The following TTLL5 variants were observed in gnomAD, a reference collection of about 807,000 sequenced individuals.
TTLL5 encodes tubulin polyglutamylase TTLL5.
In TTLL5, 132 loss-of-function variants were observed where a neutral mutation model predicts 168.4. The ratio of observed to expected loss-of-function variants is 0.78; its 90% CI spans 0.68 to 0.91. The LOEUF (loss-of-function observed/expected upper bound fraction) is 0.91. Among genes scored for constraint, TTLL5 ranks in the 40% least tolerant of loss-of-function variants. The pLI is 0.00. For missense variants in TTLL5, 1,545 were observed against 1,581.5 expected, an observed-to-expected ratio of 0.98 and a Z score of 0.39; for synonymous variants, 546 against 558.6, an observed-to-expected ratio of 0.98 and a Z score of 0.32.
intron 31 of TTLL5, among the ~76,000 whole-genome samples, chr14:75,913,305 GT>G (rs2033465473): frequency 6.6e-6 from 1 of 152,052 alleles, no homozygotes; most frequent in Non-Finnish European, 1.5e-5. Flanking sequence ...GCCTATTCCT[GT>G]TTGTCCTCAA....
chr14:75,685,375 C>CAAAAAAA (rs34567697), intron 5 of TTLL5, among the ~76,000 whole-genome samples: 1 of 68,636 alleles, frequency 1.5e-5, no homozygotes. Context: ...GACTCTGTCT[C>CAAAAAAA]AAAAAAAAAA....
At position 75,690,311 on chromosome 14, in the gene TTLL5, C is replaced by T. The variant is rs370083774; in HGVS notation, c.491C>T (p.Ala164Val). Residue 164 changes from alanine to valine, a missense_variant, in exon 6 of 32, where the codon GCG becomes GTG. By Grantham distance (64) the Ala-to-Val change is moderately conservative (BLOSUM62 0). Coordinates refer to ENST00000298832, the MANE Select transcript of TTLL5 (RefSeq NM_015072.5). ...ACCTTCCTCCTGCCAGCTGAGTACGCGGAATTTTGTAGTAAGTGCTTGACA... is the reference window on the plus strand; with the variant it reads ...ACCTTCCTCCTGCCAGCTGAGTACGTGGAATTTTGTAGTAAGTGCTTGACA... ...PQTFLLPAEY[A>V]EFCNSYSKDR... The T allele has an allele frequency of 6.8e-5, 110 of 1,606,222 alleles. No individual in the cohort carries two copies. Among genetic ancestry groups the T allele is most frequent in the East Asian group, 1.1e-4 (5 of 44,646 alleles).
intron 28 of TTLL5, among the ~76,000 whole-genome samples, chr14:75,829,917 T>G (rs1170215358): frequency 6.6e-6 from 1 of 152,190 alleles, no homozygotes; most frequent in Non-Finnish European, 1.5e-5. Flanking sequence ...GGAGATTTTT[T>G]AGTTCATATA....
At chr14:75,750,602 T>C (rs1889890107) in intron 17 of TTLL5, among the ~76,000 whole-genome samples, 1 of 152,132 alleles carries the variant, frequency 6.6e-6, no homozygotes. Flanking sequence ...GTGTTATTGA[T>C]AAGGCTTCTG....
At chr14:75,725,031 G>A (rs1888103178) in intron 12 of TTLL5, among the ~76,000 whole-genome samples, 1 of 152,184 alleles carries the variant, frequency 6.6e-6, no homozygotes, top group African/African-American at 2.4e-5. Context: ...GGGATCATGG[G>A]GACAAGTTGT....
intron 30 of TTLL5, among the ~76,000 whole-genome samples, chr14:75,899,848 C>A (rs981987075): frequency 6.6e-6 from 1 of 152,016 alleles, no homozygotes; most frequent in African/African-American, 2.4e-5. Flanking sequence ...TGAGTCTAAG[C>A]CCCCAGGGAC....
chr14:75,892,081 C>G (rs773607519), intron 30 of TTLL5, among the ~76,000 whole-genome samples: 1 of 152,154 alleles, frequency 6.6e-6, no homozygotes, highest in Non-Finnish European at 1.5e-5. Flanking sequence ...TAAACATATT[C>G]TGATTTCCTC....
At position 75,728,358 on chromosome 14, in the gene TTLL5, GAA is replaced by G. The variant is rs11326438; in HGVS notation, c.1043-3965_1043-3964del. Among the ~76,000 whole-genome samples the G allele has an allele frequency of 1.2e-3, 124 of 99,686 alleles. 1 individual carries two copies. The highest frequency in any genetic ancestry group is 7.5e-3 in the East Asian group (30 of 4,000). 65.4% of individuals were successfully genotyped at this position (99,686 alleles called of 152,430 possible). On this transcript the variant is annotated intron_variant, in intron 12 of 31. Coordinates refer to ENST00000298832, the MANE Select transcript of TTLL5 (RefSeq NM_015072.5). The stretch of plus-strand genomic sequence containing the variant: ...GAGACAAGAGCAAAACTCCATCTCA[GAA>G]AAAAAAAAAAAAAAGAGAGAAAAAG...
intron 26 of TTLL5, among the ~76,000 whole-genome samples, chr14:75,787,127 A>AT (rs1347280726): frequency 4.6e-5 from 7 of 152,126 alleles, no homozygotes; most frequent in Admixed American, 6.5e-5. Flanking sequence ...GCAAGACTCC[A>AT]TCTCAAACAA....
chr14:75,874,951 T>TTTTG (rs2031359039), intron 29 of TTLL5, among the ~76,000 whole-genome samples: 2 of 144,666 alleles, frequency 1.4e-5, no homozygotes, highest in Non-Finnish European at 3.0e-5. Context: ...TTTTTTTTTT[T>TTTTG]GAGACGGAGT....
intron 28 of TTLL5, among the ~76,000 whole-genome samples, chr14:75,850,371 A>G (rs914199650): frequency 1.8e-5 from 2 of 113,124 alleles, no homozygotes; most frequent in Non-Finnish European, 3.7e-5. Context: ...ACGCCATTGC[A>G]CTCCAGCCTG....
intron 28 of TTLL5, among the ~76,000 whole-genome samples, chr14:75,834,135 G>A (rs550452355): frequency 6.6e-6 from 1 of 152,290 alleles, no homozygotes; most frequent in East Asian, 1.9e-4. Flanking sequence ...AAAGGCATGT[G>A]GGGCCTAGAG....
In TTLL5 at chr14:75,674,658, G is replaced by A. The variant is rs1009282037; in HGVS notation, c.181+5136G>A. Among the ~76,000 whole-genome samples the A allele has an allele frequency of 3.3e-5, 5 of 151,960 alleles. No individual in the cohort carries two copies. In the East Asian group the frequency reaches 7.7e-4, roughly 23 times the overall value. ...GGGATTGTATTTTAGAGACAACATA[G>A]GTATTTTCAGCTTAAAGTAAACTTC... On this transcript the variant is annotated intron_variant, in intron 3 of 31. Transcript: ENST00000298832.
chr14:75,908,253 G>T (rs564868694), intron 31 of TTLL5, among the ~76,000 whole-genome samples: 1 of 152,234 alleles, frequency 6.6e-6, no homozygotes, highest in Non-Finnish European at 1.5e-5. Flanking sequence ...CCTATGACAC[G>T]ACTGTCACTG....
intron 31 of TTLL5, among the ~76,000 whole-genome samples, chr14:75,916,010 T>C (rs1342789597): frequency 1.3e-5 from 2 of 152,054 alleles, no homozygotes; most frequent in Non-Finnish European, 2.9e-5. Flanking sequence ...ACACCTGTAG[T>C]CCCAGCTTCT....
chr14:75,901,461 C>G (rs554810333), intron 30 of TTLL5, among the ~76,000 whole-genome samples: 1 of 152,318 alleles, frequency 6.6e-6, no homozygotes, highest in South Asian at 2.1e-4. Context: ...TCTGTCATAT[C>G]TCTTGTCAAA....
chr14:75,852,161 G>A (rs755407890), intron 28 of TTLL5, among the ~76,000 whole-genome samples: 3 of 152,242 alleles, frequency 2.0e-5, no homozygotes, highest in East Asian at 1.9e-4. Flanking sequence ...GCTTGCGCTC[G>A]ATCTCAGCCT....
intron 31 of TTLL5, among the ~76,000 whole-genome samples, chr14:75,922,872 G>A (rs552836406): frequency 2.0e-5 from 3 of 152,220 alleles, no homozygotes; most frequent in Middle Eastern, 3.4e-3. Flanking sequence ...ACTTTTTTTG[G>A]TTGGTAGGCT....
In TTLL5 at chr14:75,699,205, C is replaced by G. The variant is rs768601418; in HGVS notation, c.520C>G (p.Arg174Gly). 2.5e-6 allele frequency: 4 copies of G among 1,613,706 alleles called. No homozygotes were observed. Among genetic ancestry groups the G allele is most frequent in the Admixed American group, 1.7e-5 (1 of 59,976 alleles). The change falls in exon 7 of 32, where the codon CGG (arginine) becomes GGG (glycine). Residue 174 changes from arginine (R) to glycine (G), a missense_variant. Coordinates refer to ENST00000298832, the MANE Select transcript of TTLL5 (RefSeq NM_015072.5). Reference protein sequence around the residue: ...AEFCNSYSKDRGPWIVKPVAS... With the variant: ...AEFCNSYSKDGGPWIVKPVAS... ...TTGAGCAGATTCATATTCGAAGGAC[C>G]GGGGACCTTGGATAGTAAAACCAGT... is the stretch of plus-strand genomic sequence containing the variant.
Sources: allele counts gnomAD v4.1 joint callset (sites outside exome capture counted in the v4.1 genomes callset), GRCh38; gene constraint gnomAD v4.1.1; transcripts MANE v1.5; gene names NCBI Gene and HGNC (gene_info 2026-07-23, HGNC 2026-07-21).